The following RAI1 variants were observed in gnomAD, a reference collection of about 807,000 sequenced individuals.
RAI1 encodes retinoic acid-induced protein 1.
A neutral mutation model predicts 123.8 loss-of-function variants in RAI1; 9 were observed. The observed-to-expected ratio is 0.07, with a 90% CI of 0.04 to 0.13. RAI1 has a LOEUF of 0.13. Ranked by LOEUF, RAI1 falls within the 10% of genes least tolerant of loss-of-function variation. The pLI is 1.00. For missense variants in RAI1, 2,256 were observed against 2,545.8 expected (o/e 0.89, Z 2.45); for synonymous variants, 1,231 against 1,127.3 (o/e 1.09, Z -1.84).
intron 2 of RAI1, among the ~76,000 whole-genome samples, chr17:17,780,503 A>AG (rs2031533990): frequency 6.6e-6 from 1 of 152,140 alleles, no homozygotes; most frequent in Non-Finnish European, 1.5e-5. Flanking sequence ...TCCCCGATTG[A>AG]GGTCCCACCC....
intron 2 of RAI1, among the ~76,000 whole-genome samples, chr17:17,792,351 A>C (rs760611777): frequency 1.3e-5 from 2 of 151,220 alleles, no homozygotes; most frequent in Non-Finnish European, 2.9e-5. Context: ...GTGTGTGAGC[A>C]TACATATGCT....
chr17:17,720,033 C>T (rs772402761), intron 1 of RAI1, among the ~76,000 whole-genome samples: 8 of 152,150 alleles, frequency 5.3e-5, no homozygotes, highest in Non-Finnish European at 1.0e-4. Context: ...CCTGATGGGC[C>T]TCCCCGTCCC....
At chr17:17,741,277 G>A (rs1916626891) in intron 2 of RAI1, among the ~76,000 whole-genome samples, 1 of 152,182 alleles carries the variant, frequency 6.6e-6, no homozygotes, top group Non-Finnish European at 1.5e-5. Flanking sequence ...AAGAGAAAAA[G>A]AGAGATTAGT....
At chr17:17,755,586 T>C (rs1372778972) in intron 2 of RAI1, among the ~76,000 whole-genome samples, 7 of 152,148 alleles carry the variant, frequency 4.6e-5, no homozygotes, top group Admixed American at 4.6e-4. Flanking sequence ...GCAGAGACCC[T>C]TAGTCCCTCC....
chr17:17,787,736 C>T (rs1302972528), intron 2 of RAI1, among the ~76,000 whole-genome samples: 1 of 152,174 alleles, frequency 6.6e-6, no homozygotes, highest in African/African-American at 2.4e-5. Flanking sequence ...GAGCAGGGCA[C>T]AGCTTTAGAG....
At chr17:17,803,587 T>G (rs1310525153) in intron 3 of RAI1, among the ~76,000 whole-genome samples, 169 bp from the exon 4 acceptor site, 1 of 152,110 alleles carries the variant, frequency 6.6e-6, no homozygotes, top group Non-Finnish European at 1.5e-5. Context: ...AGTTTCACCA[T>G]GTTGCCCAGG....
rs762582939 is a variant in RAI1, at chr17:17,793,698, G to A, written c.750G>A (p.Pro250=). 3.7e-5 allele frequency: 59 copies of A among 1,612,872 alleles called. No homozygotes were observed. Among genetic ancestry groups the A allele is most frequent in the South Asian group, 1.8e-4 (16 of 91,078 alleles). ...CGACTGCCCAGCCCCATGACAGGCC[G>A]CTGACTGCCAGCTCCAGCCTGGCCC... The part of the protein sequence containing the change: ...TAPTAQPHDR[P]LTASSSLAPG... Residue 250 remains proline, a synonymous_variant, in exon 3 of 6, where the codon CCG becomes CCA. Coordinates refer to ENST00000353383, the MANE Select transcript of RAI1 (RefSeq NM_030665.4).
chr17:17,802,001 C>A (rs1022891931), intron 3 of RAI1: 32 of 464,928 alleles, frequency 6.9e-5, no homozygotes, highest in Admixed American at 2.6e-4. Context: ...AGGCCGCCGC[C>A]CTCTCTGCTG....
chr17:17,728,863 G>T (rs1244760854), intron 2 of RAI1, among the ~76,000 whole-genome samples: 2 of 152,172 alleles, frequency 1.3e-5, no homozygotes, highest in Non-Finnish European at 2.9e-5. Context: ...ATAGCTCCTA[G>T]CTGCCCCCAG....
intron 1 of RAI1, among the ~76,000 whole-genome samples, chr17:17,713,533 C>A (rs1476777604): frequency 6.6e-6 from 1 of 152,122 alleles, no homozygotes; most frequent in South Asian, 2.1e-4. Context: ...CCCAGCTACT[C>A]AAGAGGCTGA....
chr17:17,710,396 C>G (rs895135495), intron 1 of RAI1, among the ~76,000 whole-genome samples: 1 of 152,224 alleles, frequency 6.6e-6, no homozygotes, highest in South Asian at 2.1e-4. Flanking sequence ...GCCACAGTTG[C>G]AGCTGCGGCC....
At chr17:17,687,467 G>T (rs1914680316) in intron 1 of RAI1, among the ~76,000 whole-genome samples, 1 of 152,204 alleles carries the variant, frequency 6.6e-6, no homozygotes, top group South Asian at 2.1e-4. Context: ...CAGCAGGCAT[G>T]CTCAGAGCGT....
chr17:17,752,444 G>C (rs930001142), intron 2 of RAI1, among the ~76,000 whole-genome samples: 9 of 152,236 alleles, frequency 5.9e-5, no homozygotes, highest in African/African-American at 2.2e-4. Context: ...GGCGGGCGCG[G>C]CCGCGCGCGG....
intron 1 of RAI1, among the ~76,000 whole-genome samples, chr17:17,722,239 A>G (rs552391849): frequency 6.6e-6 from 1 of 152,328 alleles, no homozygotes; most frequent in African/African-American, 2.4e-5. Context: ...ATGGATAGAA[A>G]GGTGGGTGGA....
Position 17,685,409 on chromosome 17 carries a change from G to T in RAI1, c.-149+3616G>T, listed in dbSNP as rs547595257. Among the ~76,000 whole-genome samples the T allele has an allele frequency of 2.6e-5, 4 of 152,396 alleles. No individual in the cohort carries two copies. Among genetic ancestry groups the T allele is most frequent in the African/African-American group, 9.6e-5 (4 of 41,598 alleles). On this transcript the variant is annotated intron_variant, in intron 1 of 5. Coordinates refer to ENST00000353383, the MANE Select transcript of RAI1 (RefSeq NM_030665.4). This position sits in a 1 kb window ranked among gnomAD's most constrained non-coding sequence, Gnocchi z 4.0. ...ATAGCCAAGGCCTCGACCAGAGCTG[G>T]AGGCTTCCTGGAGGAGGGGCCTTTG...
At chr17:17,785,072 G>A (rs1012440706) in intron 2 of RAI1, among the ~76,000 whole-genome samples, 1 of 152,212 alleles carries the variant, frequency 6.6e-6, no homozygotes, top group Non-Finnish European at 1.5e-5. Context: ...GTGTCTGCCT[G>A]CCTCTGGAGA....
At chr17:17,682,040 C>T (rs1338233710) in intron 1 of RAI1, among the ~76,000 whole-genome samples, 1 of 143,300 alleles carries the variant, frequency 7.0e-6, no homozygotes. Context: ...GGCTGAGGGT[C>T]TTCTGGGGGA....
rs955442617 is a variant in RAI1 at position 17,745,895 on chromosome 17, C to T, written c.-17+21736C>T. On this transcript the variant is annotated intron_variant, in intron 2 of 5. Coordinates refer to ENST00000353383, the MANE Select transcript of RAI1 (RefSeq NM_030665.4). ...CGGAGGAGAGGGGCAGGCTTGGGCC[C>T]TGCGAGGTGGGTGCTGCCCTGGGCC... Among the ~76,000 whole-genome samples the T allele has an allele frequency of 5.9e-5, 9 of 152,158 alleles. 1 individual carries two copies. The highest frequency in any genetic ancestry group is 2.2e-4 in the African/African-American group (9 of 41,438).
intron 2 of RAI1, among the ~76,000 whole-genome samples, chr17:17,791,137 C>T (rs1039062952): frequency 9.9e-5 from 15 of 152,178 alleles, no homozygotes; most frequent in African/African-American, 3.6e-4. Context: ...GGGAAAGTGG[C>T]CGGCCCCCAC....
Sources: allele counts gnomAD v4.1 joint callset (sites outside exome capture counted in the v4.1 genomes callset), GRCh38; gene constraint gnomAD v4.1.1; non-coding constraint Gnocchi (gnomAD v3.1); transcripts MANE v1.5; gene names NCBI Gene and HGNC (gene_info 2026-07-23, HGNC 2026-07-21).